WLS: variants seen among roughly 807,000 people sequenced by gnomAD.
WLS encodes the protein Wnt ligand secretion mediator, also known as protein wntless homolog.
In WLS, 23 loss-of-function variants were observed where a neutral mutation model predicts 62.8. The observed-to-expected ratio is 0.37, with a 90% CI of 0.26 to 0.52. The LOEUF (loss-of-function observed/expected upper bound fraction) is 0.52. WLS is among the 20% of genes least tolerant of loss of function. The pLI is 0.92. For missense variants in WLS, 615 were observed against 697.3 expected, an observed-to-expected ratio of 0.88 and a Z score of 1.33; for synonymous variants, 246 against 244.1, an observed-to-expected ratio of 1.01 and a Z score of -0.07.
chr1:68,217,955 T>C (rs937509960), intron 1 of WLS, among the ~76,000 whole-genome samples: 1 of 152,182 alleles, frequency 6.6e-6, no homozygotes, highest in African/African-American at 2.4e-5. Flanking sequence ...ATTAAAAGTC[T>C]CACAGCAATT....
At chr1:68,106,778 A>G (rs916006550) in intron 11 of WLS, among the ~76,000 whole-genome samples, 1 of 151,582 alleles carries the variant, frequency 6.6e-6, no homozygotes, top group African/African-American at 2.4e-5. Flanking sequence ...GTGGGTGAGT[A>G]TAGAGGCTAC....
In WLS at chr1:68,098,678, GC is replaced by G; in HGVS notation, c.1585del (p.Ala529LeufsTer54). 1 of 1,614,012 alleles carries G rather than the reference GC, an allele frequency of 6.2e-7. No individual in the cohort carries two copies. On this transcript the variant is annotated frameshift_variant, in exon 12 of 12. Transcript: ENST00000354777. LOFTEE classifies it low-confidence loss of function (END_TRUNC). ...GTCATTGATGAAGGAATATTTCGAAGCGCTGAACAATTCTTGATAAAGTTCC... is the reference window on the plus strand; with the variant it reads ...GTCATTGATGAAGGAATATTTCGAAGGCTGAACAATTCTTGATAAAGTTCC...
At chr1:68,127,482 T>G (rs548420859) in intron 11 of WLS, among the ~76,000 whole-genome samples, 29 of 152,288 alleles carry the variant, frequency 1.9e-4, no homozygotes, top group Admixed American at 4.6e-4. Flanking sequence ...TTCTCTAAGT[T>G]AAACCTCGAA....
chr1:68,167,461 T>G (rs1228811382), intron 2 of WLS, among the ~76,000 whole-genome samples: 1 of 152,196 alleles, frequency 6.6e-6, no homozygotes, highest in Non-Finnish European at 1.5e-5. Context: ...CCTGGGATAC[T>G]GTGTGGGCAA....
chr1:68,186,777 T>A, intron 2 of WLS: 2 of 402,458 alleles, frequency 5.0e-6, no homozygotes, highest in Non-Finnish European at 9.7e-6. Flanking sequence ...TGTGTGTATA[T>A]GTATATTGCT....
chr1:68,231,563 C>G (rs1650420553), intron 1 of WLS: 7 of 304,062 alleles, frequency 2.3e-5, no homozygotes, highest in South Asian at 1.9e-4. Flanking sequence ...CCATCCCACC[C>G]AACCTCCCGG....
intron 11 of WLS, among the ~76,000 whole-genome samples, chr1:68,114,416 G>C (rs1471742237): frequency 6.6e-6 from 1 of 152,074 alleles, no homozygotes; most frequent in African/African-American, 2.4e-5. Context: ...CAGGTGTCAA[G>C]AATCTATAAT....
At chr1:68,176,983 ATCTTT>A (rs1647285549) in intron 2 of WLS, among the ~76,000 whole-genome samples, 1 of 152,096 alleles carries the variant, frequency 6.6e-6, no homozygotes, top group African/African-American at 2.4e-5. Context: ...TCTTGTCCTG[ATCTTT>A]TCTTACCACT....
intron 1 of WLS, among the ~76,000 whole-genome samples, chr1:68,220,910 C>A (rs1053252048): frequency 7.9e-5 from 12 of 152,076 alleles, no homozygotes; most frequent in Non-Finnish European, 1.5e-5. Flanking sequence ...ATACATTAAT[C>A]TTGACTTTGT....
chr1:68,143,112 AT>A (rs1248692573), intron 10 of WLS, among the ~76,000 whole-genome samples: 1 of 152,116 alleles, frequency 6.6e-6, no homozygotes, highest in Non-Finnish European at 1.5e-5. Flanking sequence ...GAAGTATTTT[AT>A]TTTACTTATT....
chr1:68,160,883 T>G (rs184692941), intron 2 of WLS, among the ~76,000 whole-genome samples: 1 of 152,206 alleles, frequency 6.6e-6, no homozygotes, highest in Admixed American at 6.5e-5. Flanking sequence ...CAGTCACATC[T>G]AATACATCTG....
At chr1:68,189,931 C>T (rs990197052) in intron 2 of WLS, among the ~76,000 whole-genome samples, 4 of 152,172 alleles carry the variant, frequency 2.6e-5, no homozygotes, top group African/African-American at 7.2e-5. Context: ...ATCTCTTGAA[C>T]CCAGGAGGCA....
chr1:68,214,359 C>G (rs1257988433), intron 1 of WLS, among the ~76,000 whole-genome samples: 1 of 136,166 alleles, frequency 7.3e-6, no homozygotes, highest in Admixed American at 7.5e-5. Context: ...GTGGCCTCCA[C>G]CAACTTACTC....
chr1:68,112,598 C>T (rs1160070738), intron 11 of WLS, among the ~76,000 whole-genome samples: 1 of 152,178 alleles, frequency 6.6e-6, no homozygotes, highest in Non-Finnish European at 1.5e-5. Context: ...CTTCCCTTAC[C>T]CTCACCTTTT....
rs930547928 is a variant in WLS at position 68,137,663 on chromosome 1, G to A, written c.1516+117C>T. 1.9e-5 allele frequency: 23 copies of A among 1,187,372 alleles called. No homozygotes were observed. The African/African-American group carries it at 3.4e-4, about 17-fold the overall frequency. The allele number at this position is 1,187,372 out of a possible 1,614,324, so 73.6% of individuals were successfully genotyped here. A position where few individuals can be genotyped will look rare whatever the true frequency, so the allele number is the denominator to read the frequency against. ...CTCATTCACCGTCTCCCAGTGTGAG[G>A]AGTATACTTGGAGGGAAAGTTTCAC... On this transcript the variant is annotated intron_variant, in intron 11 of 11. Transcript: ENST00000262348.
intron 1 of WLS, 55 bp downstream of exon 1, chr1:68,232,139 G>A (rs1650456222): frequency 2.5e-6 from 4 of 1,610,724 alleles, no homozygotes; most frequent in Non-Finnish European, 3.4e-6. Context: ...AGGCAAAGAG[G>A]GAAGGGGCCC....
intron 11 of WLS, among the ~76,000 whole-genome samples, chr1:68,128,652 C>T (rs1047172739): frequency 2.6e-5 from 4 of 152,358 alleles, no homozygotes; most frequent in South Asian, 2.1e-4. Flanking sequence ...TATGATCCTA[C>T]AGATCACTTG....
exon 12 of WLS, chr1:68,098,533 A>G: frequency 6.7e-7 from 1 of 1,490,728 alleles, no homozygotes; most frequent in Non-Finnish European, 9.0e-7. Context: ...TTTTGAGATA[A>G]AGGCTAAATG....
intron 1 of WLS, among the ~76,000 whole-genome samples, chr1:68,222,812 C>A (rs1649994048): frequency 6.6e-6 from 1 of 151,398 alleles, no homozygotes. Flanking sequence ...ATTCAAGTAG[C>A]CACACTCATG....
Sources: allele counts gnomAD v4.1 joint callset (sites outside exome capture counted in the v4.1 genomes callset), GRCh38; gene constraint gnomAD v4.1.1; transcripts MANE v1.5; gene names NCBI Gene and HGNC (gene_info 2026-07-23, HGNC 2026-07-21).